The following LAMA2 variants were observed in gnomAD, a reference collection of about 807,000 sequenced individuals.
LAMA2 encodes laminin subunit alpha 2.
A neutral mutation model predicts 364.8 loss-of-function variants in LAMA2; 269 were observed. That is an observed-to-expected ratio of 0.74 (90% CI 0.67 to 0.82). LAMA2 has a LOEUF of 0.82. Among genes scored for constraint, LAMA2 ranks in the 40% least tolerant of loss-of-function variants. The pLI is 0.00. For missense variants in LAMA2, 3,807 were observed against 3,873.2 expected, an observed-to-expected ratio of 0.98 and a Z score of 0.45; for synonymous variants, 1,379 against 1,370.6, an observed-to-expected ratio of 1.01 and a Z score of -0.14.
chr6:128,907,914 C>T lies in LAMA2; in HGVS notation c.112+24557C>T, dbSNP rs1024194179. On this transcript the variant is annotated intron_variant, in intron 1 of 64. Transcript: ENST00000421865. ...TAATCATGTGGTTTTTGTCTTTGGCCCTGTTTATATGCTGGATTACATTTA... is the reference window on the plus strand; with the variant it reads ...TAATCATGTGGTTTTTGTCTTTGGCTCTGTTTATATGCTGGATTACATTTA... Among the ~76,000 whole-genome samples, 6 of 151,894 alleles carry T rather than the reference C, an allele frequency of 4.0e-5. No individual in the cohort carries two copies. The East Asian group carries it at 5.8e-4, about 15-fold the overall frequency.
chr6:129,231,304 C>G (rs1267565125), intron 12 of LAMA2, among the ~76,000 whole-genome samples: 2 of 152,010 alleles, frequency 1.3e-5, no homozygotes, highest in Non-Finnish European at 2.9e-5. Context: ...TGCTACCAAT[C>G]GTTTAAATAG....
At chr6:128,915,421 C>T (rs1435439358) in intron 1 of LAMA2, among the ~76,000 whole-genome samples, 3 of 152,126 alleles carry the variant, frequency 2.0e-5, no homozygotes, top group South Asian at 2.1e-4. Flanking sequence ...CTATGCAAAG[C>T]GTTTCTGATT....
chr6:129,125,512 A>T (rs530970097), intron 4 of LAMA2, among the ~76,000 whole-genome samples: 1 of 152,204 alleles, frequency 6.6e-6, no homozygotes, highest in Non-Finnish European at 1.5e-5. Flanking sequence ...AAGCACACAC[A>T]GTTTTGGACA....
At chr6:129,015,786 T>A (rs1429386156) in intron 1 of LAMA2, among the ~76,000 whole-genome samples, 5 of 152,100 alleles carry the variant, frequency 3.3e-5, no homozygotes, top group Non-Finnish European at 7.4e-5. Flanking sequence ...GTTTGCTTAG[T>A]TTTGCAAATG....
chr6:129,041,802 A>G lies in LAMA2; in HGVS notation c.113-8116A>G, dbSNP rs115435320. Among the ~76,000 whole-genome samples, 876 of 152,232 alleles carry G rather than the reference A, an allele frequency of 5.8e-3. 12 individuals are homozygous for G. Among genetic ancestry groups the G allele is most frequent in the African/African-American group, 0.02 (837 of 41,534 alleles). The stretch of plus-strand genomic sequence containing the variant: ...AGCATTGCCTGAGGGCAGGATTTTA[A>G]GACCAGCATGGGCAACATAGTGAGA... On this transcript the variant is annotated intron_variant, in intron 1 of 64. Coordinates refer to ENST00000421865, the MANE Select transcript of LAMA2 (RefSeq NM_000426.4).
At chr6:129,207,841 A>G (rs1043921680) in intron 12 of LAMA2, among the ~76,000 whole-genome samples, 1 of 152,312 alleles carries the variant, frequency 6.6e-6, no homozygotes. Context: ...ACAGTAAACA[A>G]GAACATCACC....
intron 3 of LAMA2, among the ~76,000 whole-genome samples, chr6:129,093,315 A>C (rs1774966330): frequency 1.3e-5 from 2 of 150,660 alleles, no homozygotes; most frequent in Non-Finnish European, 3.0e-5. Context: ...TTTTAAATCA[A>C]GACTTAGCAA....
intron 1 of LAMA2, among the ~76,000 whole-genome samples, chr6:128,883,795 T>TAC (rs1189690006): frequency 2.1e-3 from 278 of 132,900 alleles, no homozygotes; most frequent in African/African-American, 9.0e-3. Flanking sequence ...ATTATATATA[T>TAC]ATATATACAC....
intron 37 of LAMA2, 91 bp downstream of exon 37, chr6:129,393,346 A>C: frequency 1.0e-6 from 1 of 958,288 alleles, no homozygotes. Context: ...AAGTTGATGC[A>C]CATTTACAAA....
intron 51 of LAMA2, among the ~76,000 whole-genome samples, chr6:129,470,676 C>T (rs1444996331): frequency 1.3e-5 from 2 of 151,840 alleles, no homozygotes; most frequent in Non-Finnish European, 2.9e-5. Flanking sequence ...AAGAACTCCA[C>T]TGAGTTTGGG....
intron 1 of LAMA2, among the ~76,000 whole-genome samples, chr6:128,941,541 T>G (rs9492148): frequency 0.015 from 2,265 of 152,300 alleles, 58 homozygotes; most frequent in African/African-American, 0.052. Flanking sequence ...GACTGTGACA[T>G]TTAACTTTGT....
At chr6:129,110,583 C>T (rs1227399883) in intron 4 of LAMA2, among the ~76,000 whole-genome samples, 1 of 152,020 alleles carries the variant, frequency 6.6e-6, no homozygotes, top group Admixed American at 6.6e-5. Flanking sequence ...GGCACTCTGC[C>T]ATGCATTCTT....
chr6:129,310,267 G>A (rs542791769), intron 22 of LAMA2, among the ~76,000 whole-genome samples: 13 of 152,292 alleles, frequency 8.5e-5, no homozygotes, highest in African/African-American at 3.1e-4. Flanking sequence ...AGACAATAGA[G>A]GAGGAACTGG....
intron 32 of LAMA2, among the ~76,000 whole-genome samples, chr6:129,363,507 G>C (rs1177376428): frequency 6.6e-6 from 1 of 152,166 alleles, no homozygotes; most frequent in African/African-American, 2.4e-5. Context: ...AATGTGGGAC[G>C]CAGATTCTGA....
chr6:129,271,941 A>G (rs932734883), intron 17 of LAMA2, among the ~76,000 whole-genome samples: 1 of 152,178 alleles, frequency 6.6e-6, no homozygotes, highest in African/African-American at 2.4e-5. Flanking sequence ...AGACTTTGAG[A>G]TAATTCTAAC....
chr6:129,317,383 A>C (rs1045668925), intron 27 of LAMA2, among the ~76,000 whole-genome samples: 1 of 152,198 alleles, frequency 6.6e-6, no homozygotes, highest in Non-Finnish European at 1.5e-5. Flanking sequence ...AATGAATATA[A>C]AAATACTATT....
At position 129,384,729 on chromosome 6, in the gene LAMA2, A is replaced by G. The variant is rs551357525; in HGVS notation, c.5071+1496A>G. Among the ~76,000 whole-genome samples, 109 of 152,030 alleles carry G rather than the reference A, an allele frequency of 7.2e-4. No homozygotes were observed. In the South Asian group the frequency reaches 0.022, roughly 31 times the overall value. On this transcript the variant is annotated intron_variant, in intron 35 of 64. Coordinates refer to ENST00000421865, the MANE Select transcript of LAMA2 (RefSeq NM_000426.4). ...AGGCTTGCTCACCACCCCAAATCCCACGTCTATACACCAGAGAAAGGATTA... is the reference window on the plus strand; with the variant it reads ...AGGCTTGCTCACCACCCCAAATCCCGCGTCTATACACCAGAGAAAGGATTA...
Position 129,264,080 on chromosome 6 carries a change from A to G in LAMA2, c.2209-3026A>G, listed in dbSNP as rs144053359. 5.4e-4 allele frequency among the ~76,000 whole-genome samples: 82 copies of G among 152,268 alleles called. 1 individual carries two copies. The East Asian group carries it at 0.016, about 29-fold the overall frequency. On this transcript the variant is annotated intron_variant, in intron 15 of 64. Coordinates refer to ENST00000421865, the MANE Select transcript of LAMA2 (RefSeq NM_000426.4). The stretch of plus-strand genomic sequence containing the variant: ...TTTTTGAAGAAGGCATTATGGCTAC[A>G]GTAGGAAGAATGTGTCTTAGGAGGG...
At chr6:129,158,395 C>T in intron 8 of LAMA2, 2 of 1,613,966 alleles carry the variant, frequency 1.2e-6, no homozygotes, top group Non-Finnish European at 1.7e-6. Context: ...CCATATCGGC[C>T]TTTACCAACT....
Sources: allele counts gnomAD v4.1 joint callset (sites outside exome capture counted in the v4.1 genomes callset), GRCh38; gene constraint gnomAD v4.1.1; transcripts MANE v1.5; gene names NCBI Gene and HGNC (gene_info 2026-07-23, HGNC 2026-07-21).